The following KCNMA1 variants were observed in gnomAD, a reference collection of about 807,000 sequenced individuals.
KCNMA1 encodes Calcium-activated potassium channel subunit alpha-1.
A neutral mutation model predicts 140.0 loss-of-function variants in KCNMA1; 29 were observed. The observed-to-expected ratio is 0.21, with a 90% confidence interval of 0.15 to 0.28. KCNMA1 has a LOEUF of 0.28. Ranked by LOEUF, KCNMA1 falls within the 10% of genes least tolerant of loss-of-function variation. KCNMA1 has a pLI of 1.00. For missense variants in KCNMA1, 880 were observed against 1,602.2 expected (o/e 0.55, Z 7.70); for synonymous variants, 612 against 611.9 (o/e 1.00, Z 0.00).
chr10:77,088,807 T>C (rs2096751679), intron 10 of KCNMA1, among the ~76,000 whole-genome samples: 2 of 152,218 alleles, frequency 1.3e-5, no homozygotes, highest in Admixed American at 1.3e-4. Context: ...TTCAGACCCA[T>C]GACAAGTCAT....
intron 1 of KCNMA1, among the ~76,000 whole-genome samples, chr10:77,493,415 A>G (rs1361293044): frequency 6.6e-6 from 1 of 152,260 alleles, no homozygotes; most frequent in African/African-American, 2.4e-5. Flanking sequence ...CTGGCCAGCC[A>G]GGGCAGGCAC....
intron 1 of KCNMA1, chr10:77,634,550 C>CAGATGCTACGAA: frequency 2.0e-6 from 2 of 984,520 alleles, no homozygotes; most frequent in Non-Finnish European, 2.4e-6. Flanking sequence ...CACAGAATTT[C>CAGATGCTACGAA]AGACCTGCTT....
chr10:76,948,924 C>G, intron 22 of KCNMA1: 2 of 608,276 alleles, frequency 3.3e-6, no homozygotes, highest in South Asian at 1.9e-5. Context: ...AACTTCATCC[C>G]TGATGAGGGA....
chr10:77,247,451 C>T (rs571930007), intron 3 of KCNMA1, among the ~76,000 whole-genome samples: 2 of 151,950 alleles, frequency 1.3e-5, no homozygotes, highest in Non-Finnish European at 2.9e-5. Flanking sequence ...ATGGAAGCAG[C>T]AATGGTGACA....
chr10:77,184,746 G>A, intron 4 of KCNMA1, 77 bp downstream of exon 4: 2 of 918,696 alleles, frequency 2.2e-6, no homozygotes, highest in Non-Finnish European at 3.7e-6. Context: ...TGCGAGAGCA[G>A]AGGCTGAGGG....
At chr10:77,438,286 T>C (rs1225076416) in intron 1 of KCNMA1, among the ~76,000 whole-genome samples, 1 of 152,114 alleles carries the variant, frequency 6.6e-6, no homozygotes, top group Non-Finnish European at 1.5e-5. Context: ...AAAAACGTAG[T>C]ACCAAGCACA....
At chr10:77,589,167 C>T (rs1470219052) in intron 1 of KCNMA1, among the ~76,000 whole-genome samples, 1 of 152,206 alleles carries the variant, frequency 6.6e-6, no homozygotes, top group Middle Eastern at 3.2e-3. Flanking sequence ...CAAACCCCTT[C>T]ATGGCTACTT....
At chr10:77,013,533 G>A (rs2153459460) in intron 17 of KCNMA1, among the ~76,000 whole-genome samples, 1 of 152,328 alleles carries the variant, frequency 6.6e-6, no homozygotes, top group East Asian at 1.9e-4. Flanking sequence ...CAGGAAAGTA[G>A]AAAGCATCCA....
chr10:77,111,490 T>G (rs558523118), intron 7 of KCNMA1, among the ~76,000 whole-genome samples: 1 of 152,308 alleles, frequency 6.6e-6, no homozygotes, highest in Non-Finnish European at 1.5e-5. Flanking sequence ...CGTGCTTGGT[T>G]ACAGCAAGAA....
intron 19 of KCNMA1, among the ~76,000 whole-genome samples, chr10:76,998,701 T>G (rs1325725130): frequency 6.6e-6 from 1 of 152,184 alleles, no homozygotes; most frequent in Non-Finnish European, 1.5e-5. Flanking sequence ...CTCTCACCAC[T>G]GCTCTTGAGT....
intron 6 of KCNMA1, among the ~76,000 whole-genome samples, chr10:77,120,429 A>G (rs1596371744): frequency 6.6e-6 from 1 of 152,218 alleles, no homozygotes; most frequent in Non-Finnish European, 1.5e-5. Context: ...TCACAGAGAA[A>G]GCCCCAAGGG....
At chr10:77,000,860 ATATATATAT>A (rs1565461398) in intron 19 of KCNMA1, among the ~76,000 whole-genome samples, 1,073 of 74,316 alleles carry the variant, frequency 0.014, 94 homozygotes, top group African/African-American at 0.058. Flanking sequence ...AAAAGAAAAT[ATATATATAT>A]ATATATATAT....
intron 14 of KCNMA1, among the ~76,000 whole-genome samples, chr10:77,066,472 G>A (rs912395404): frequency 6.6e-6 from 1 of 152,194 alleles, no homozygotes; most frequent in Admixed American, 6.5e-5. Flanking sequence ...CAGGTTTGTG[G>A]ACAAAGAAAA....
chr10:77,515,541 C>A (rs2050087128), intron 1 of KCNMA1, among the ~76,000 whole-genome samples: 1 of 152,112 alleles, frequency 6.6e-6, no homozygotes, highest in African/African-American at 2.4e-5. Flanking sequence ...TCCTAGGCTG[C>A]CTCTCAGACA....
At chr10:77,532,184 G>A (rs2057798244) in intron 1 of KCNMA1, among the ~76,000 whole-genome samples, 1 of 152,190 alleles carries the variant, frequency 6.6e-6, no homozygotes, top group African/African-American at 2.4e-5. Context: ...GAGAAAGAAG[G>A]GGCTGGCCAT....
chr10:77,621,796 G>A (rs758143200), intron 1 of KCNMA1, among the ~76,000 whole-genome samples: 5 of 152,144 alleles, frequency 3.3e-5, no homozygotes, highest in Non-Finnish European at 2.9e-5. Flanking sequence ...AGGCATGATG[G>A]TGCATGCCTG....
chr10:77,239,014 A>G (rs2056468617), intron 3 of KCNMA1, among the ~76,000 whole-genome samples: 1 of 152,210 alleles, frequency 6.6e-6, no homozygotes, highest in Non-Finnish European at 1.5e-5. Flanking sequence ...ACACAGACAC[A>G]GCCGCCAAAT....
Position 77,516,618 on chromosome 10 carries a change from G to T in KCNMA1, c.379-112595C>A, listed in dbSNP as rs552897668. On this transcript the variant is annotated intron_variant, in intron 1 of 27. Coordinates refer to ENST00000286628, the MANE Select transcript of KCNMA1 (RefSeq NM_001161352.2). ...TCCAAAAGCTCTGCATGCTGCAAAGGCCTCTGAGCCTCTATATGCTGAGAG... is the reference window on the plus strand; with the variant it reads ...TCCAAAAGCTCTGCATGCTGCAAAGTCCTCTGAGCCTCTATATGCTGAGAG... Among the ~76,000 whole-genome samples, 24 of 152,362 alleles carry T rather than the reference G, an allele frequency of 1.6e-4. No homozygotes were observed. In the South Asian group the frequency reaches 4.8e-3, roughly 30 times the overall value.
chr10:77,001,603 G>A, intron 18 of KCNMA1, 23 bp from the exon 19 acceptor site: 1 of 1,543,658 alleles, frequency 6.5e-7, no homozygotes, highest in Non-Finnish European at 8.8e-7. Flanking sequence ...GGTTGGATGG[G>A]AGGAGAGGAA....
Sources: gnomAD v4.1 joint callset for allele counts (sites outside exome capture counted in the v4.1 genomes callset) on GRCh38, gnomAD v4.1.1 for gene constraint, MANE v1.5 for transcripts, NCBI Gene and HGNC (gene_info 2026-07-23, HGNC 2026-07-21) for gene names.